Variants in SPOCK1 observed in about 807,000 individuals in gnomAD.
SPOCK1 encodes the protein testican-1.
In SPOCK1, 23 loss-of-function variants were observed where a neutral mutation model predicts 55.3. The observed-to-expected ratio is 0.42, with a 90% CI of 0.30 to 0.59. SPOCK1 has a LOEUF of 0.59. Among genes scored for constraint, SPOCK1 ranks in the 20% least tolerant of loss-of-function variants. SPOCK1 has a pLI of 0.22. For synonymous variants in SPOCK1, 226 were observed against 221.0 expected (o/e 1.02, Z -0.20); for missense variants, 499 against 552.5 (o/e 0.90, Z 0.97).
chr5:137,208,432 G>A (rs1755555550), intron 3 of SPOCK1, among the ~76,000 whole-genome samples: 2 of 152,186 alleles, frequency 1.3e-5, no homozygotes, highest in South Asian at 4.1e-4. Flanking sequence ...TCCCTAAAGA[G>A]ACCACGCCAT....
chr5:136,992,270 C>T (rs1464200902), intron 7 of SPOCK1, among the ~76,000 whole-genome samples: 3 of 152,166 alleles, frequency 2.0e-5, no homozygotes, highest in Non-Finnish European at 2.9e-5. Context: ...TGTACCACAG[C>T]ATGCTTACGG....
intron 2 of SPOCK1, among the ~76,000 whole-genome samples, chr5:137,372,084 C>T (rs1751212409): frequency 6.6e-6 from 1 of 152,310 alleles, no homozygotes; most frequent in African/African-American, 2.4e-5. Flanking sequence ...ATCTTTCATC[C>T]TAAGGCATTG....
intron 2 of SPOCK1, among the ~76,000 whole-genome samples, chr5:137,282,639 A>G (rs960414475): frequency 4.6e-5 from 7 of 152,228 alleles, no homozygotes; most frequent in African/African-American, 1.7e-4. Context: ...CAGCCATTAA[A>G]GGTCCCTTCC....
chr5:137,340,600 G>A (rs914272580), intron 2 of SPOCK1, among the ~76,000 whole-genome samples: 6 of 152,244 alleles, frequency 3.9e-5, no homozygotes, highest in Non-Finnish European at 8.8e-5. Flanking sequence ...GAAGGCTAAA[G>A]CTAGGCACGG....
chr5:137,498,273 CA>C, intron 2 of SPOCK1, 99 bp downstream of exon 2: 1 of 1,064,004 alleles, frequency 9.4e-7, no homozygotes, highest in Non-Finnish European at 1.2e-6. Context: ...CAACCACACA[CA>C]CACACACACA....
At chr5:137,213,014 C>CT (rs1396357267) in intron 3 of SPOCK1, among the ~76,000 whole-genome samples, 2 of 152,184 alleles carry the variant, frequency 1.3e-5, no homozygotes, top group Non-Finnish European at 2.9e-5. Context: ...TTTCAATGCA[C>CT]TGCAGAGGCC....
chr5:137,490,475 G>A (rs977727961), intron 2 of SPOCK1, among the ~76,000 whole-genome samples: 14 of 152,190 alleles, frequency 9.2e-5, no homozygotes, highest in African/African-American at 1.9e-4. Context: ...TGAGAACGCC[G>A]CAGTAATACA....
chr5:137,355,543 C>T (rs985712897), intron 2 of SPOCK1, among the ~76,000 whole-genome samples: 1 of 152,174 alleles, frequency 6.6e-6, no homozygotes, highest in Non-Finnish European at 1.5e-5. Context: ...ATAGTATCAT[C>T]TCAAAGAGCA....
chr5:136,993,410 T>TC (rs1750985966), intron 6 of SPOCK1, among the ~76,000 whole-genome samples: 1 of 152,030 alleles, frequency 6.6e-6, no homozygotes, highest in African/African-American at 2.4e-5. Flanking sequence ...CCCTAGCCCC[T>TC]CCCTCTTCCC....
intron 6 of SPOCK1, among the ~76,000 whole-genome samples, chr5:137,013,758 A>C (rs115836491): frequency 0.01 from 1,563 of 152,352 alleles, 26 homozygotes; most frequent in African/African-American, 0.036. Context: ...CTGGATCTGT[A>C]GACATAAATT....
intron 3 of SPOCK1, among the ~76,000 whole-genome samples, chr5:137,143,310 T>G (rs1754134184): frequency 6.6e-6 from 1 of 152,230 alleles, no homozygotes; most frequent in Non-Finnish European, 1.5e-5. Flanking sequence ...TTTGAGCTTA[T>G]TTTTGCCTCT....
intron 3 of SPOCK1, among the ~76,000 whole-genome samples, chr5:137,203,655 T>C (rs868450307): frequency 2.0e-5 from 3 of 152,226 alleles, no homozygotes; most frequent in African/African-American, 7.2e-5. Flanking sequence ...CTTCTCTCTA[T>C]AATCCTCGAG....
At chr5:137,446,582 C>T (rs1212931291) in intron 2 of SPOCK1, among the ~76,000 whole-genome samples, 2 of 152,012 alleles carry the variant, frequency 1.3e-5, no homozygotes, top group African/African-American at 2.4e-5. Flanking sequence ...GGAAGGTGCC[C>T]GCACCATGGA....
chr5:137,273,423 G>C, intron 2 of SPOCK1: 4 of 970,022 alleles, frequency 4.1e-6, no homozygotes, highest in South Asian at 4.8e-5. Context: ...AAAAATAAAA[G>C]AATCACATCA....
chr5:137,282,004 G>A (rs931403049), intron 2 of SPOCK1, among the ~76,000 whole-genome samples: 13 of 152,158 alleles, frequency 8.5e-5, no homozygotes, highest in African/African-American at 2.9e-4. Context: ...AGTGACTCTG[G>A]ACAAGCATTT....
chr5:137,287,717 A>AT (rs1264459436), intron 2 of SPOCK1, among the ~76,000 whole-genome samples: 1 of 152,160 alleles, frequency 6.6e-6, no homozygotes. Flanking sequence ...TAAACAGCCA[A>AT]TTTTTATGCT....
At chr5:137,383,683 T>C (rs1751529499) in intron 2 of SPOCK1, among the ~76,000 whole-genome samples, 1 of 152,136 alleles carries the variant, frequency 6.6e-6, no homozygotes, top group Non-Finnish European at 1.5e-5. Flanking sequence ...GAGATGGAAA[T>C]GATTGATGGG....
At chr5:137,127,318 C>T (rs1363289081) in intron 4 of SPOCK1, among the ~76,000 whole-genome samples, 1 of 152,268 alleles carries the variant, frequency 6.6e-6, no homozygotes, top group African/African-American at 2.4e-5. Flanking sequence ...TGCCCACCTA[C>T]TCCAGCAGCT....
intron 2 of SPOCK1, among the ~76,000 whole-genome samples, chr5:137,301,634 T>TC (rs1397240511): frequency 1.3e-5 from 1 of 78,430 alleles, no homozygotes; most frequent in Non-Finnish European, 2.4e-5. Context: ...GCATTTCGTC[T>TC]CCTTTTTTTT....
Sources: gnomAD v4.1 joint callset for allele counts (sites outside exome capture counted in the v4.1 genomes callset) on GRCh38, gnomAD v4.1.1 for gene constraint, MANE v1.5 for transcripts, NCBI Gene and HGNC (gene_info 2026-07-23, HGNC 2026-07-21) for gene names.